CLASP1: variants seen among roughly 807,000 people sequenced by gnomAD.
The protein encoded by CLASP1 is cytoplasmic linker associated protein 1, also known as CLIP-associating protein 1.
CLASP1 carries 38 observed loss-of-function variants against 192.3 expected under a neutral mutation model. The observed-to-expected ratio is 0.20, with a 90% CI of 0.15 to 0.26. The LOEUF is 0.26. CLASP1 is among the 10% of genes least tolerant of loss of function. The pLI is 1.00. For synonymous variants in CLASP1, 691 were observed against 712.8 expected (o/e 0.97, Z 0.49); for missense variants, 1,433 against 1,932.5 (o/e 0.74, Z 4.85).
chr2:121,524,917 G>C (rs952084814), intron 6 of CLASP1, among the ~76,000 whole-genome samples: 1 of 152,094 alleles, frequency 6.6e-6, no homozygotes, highest in African/African-American at 2.4e-5. Flanking sequence ...CTGGAACTAA[G>C]AGCACGATAA....
intron 2 of CLASP1, chr2:121,530,645 A>C: frequency 1.9e-6 from 1 of 531,584 alleles, no homozygotes; most frequent in Non-Finnish European, 3.4e-6. Flanking sequence ...CCCGGCGAGA[A>C]AAGCGTATGC....
rs150795468 is a variant in CLASP1, at chr2:121,593,348, G to A, written c.195+12353C>T. Among the ~76,000 whole-genome samples, 51 of 152,224 alleles carry A rather than the reference G, an allele frequency of 3.4e-4. No individual in the cohort carries two copies. The East Asian group carries it at 3.5e-3, about 10-fold the overall frequency. On this transcript the variant is annotated intron_variant, in intron 2 of 39. Transcript: ENST00000263710. ...TGTAAAGGAAACTATGGCCGGGCAC[G>A]GTGGCTCACACCTGTAATCCCAGCA...
chr2:121,527,803 T>C, exon 5 of CLASP1: 1 of 1,611,672 alleles, frequency 6.2e-7, no homozygotes, highest in Admixed American at 1.7e-5. Flanking sequence ...ACTTACGCAT[T>C]GAGTGTTGCT....
intron 19 of CLASP1, among the ~76,000 whole-genome samples, chr2:121,439,196 T>C (rs2082828728): frequency 6.6e-6 from 1 of 152,222 alleles, no homozygotes; most frequent in East Asian, 1.9e-4. Context: ...TCATTTTTTA[T>C]TGCGTCTATT....
At chr2:121,541,925 A>G (rs1413022487) in intron 2 of CLASP1, among the ~76,000 whole-genome samples, 2 of 152,204 alleles carry the variant, frequency 1.3e-5, no homozygotes, top group African/African-American at 4.8e-5. Flanking sequence ...TGGCTTACTG[A>G]GTTAAGGGGC....
chr2:121,459,102 T>C (rs949186071), intron 12 of CLASP1, 127 bp from the exon 13 acceptor site: 13 of 611,202 alleles, frequency 2.1e-5, no homozygotes, highest in East Asian at 1.5e-4. Flanking sequence ...AGATTTCCGA[T>C]GTGCATGTTA....
chr2:121,407,391 A>C (rs1274335591), intron 25 of CLASP1, 80 bp downstream of exon 26: 1 of 1,496,236 alleles, frequency 6.7e-7, no homozygotes, highest in African/African-American at 1.4e-5. Context: ...GACTCCATTA[A>C]TTATAGGAAA....
chr2:121,633,750 T>G (rs1259758221), intron 1 of CLASP1, among the ~76,000 whole-genome samples: 1 of 152,082 alleles, frequency 6.6e-6, no homozygotes, highest in Non-Finnish European at 1.5e-5. Context: ...CTCACACCTG[T>G]AATCCCAGCA....
exon 40 of CLASP1, chr2:121,339,701 C>T (rs565482449): frequency 2.0e-5 from 3 of 152,260 alleles, no homozygotes; most frequent in Admixed American, 6.5e-5. Flanking sequence ...ATCTGCTACA[C>T]CTCATAATTA....
chr2:121,460,385 A>T (rs2149871998), intron 11 of CLASP1, among the ~76,000 whole-genome samples: 1 of 152,314 alleles, frequency 6.6e-6, no homozygotes, highest in African/African-American at 2.4e-5. Context: ...TTACATTTGA[A>T]ATATCTTAAA....
chr2:121,497,107 A>G (rs1418491176), intron 8 of CLASP1, among the ~76,000 whole-genome samples: 1 of 152,230 alleles, frequency 6.6e-6, no homozygotes, highest in Non-Finnish European at 1.5e-5. Flanking sequence ...AAAAATGTAT[A>G]TAAGTGTATT....
At chr2:121,384,774 A>G (rs2072808284) in intron 32 of CLASP1, among the ~76,000 whole-genome samples, 1 of 152,116 alleles carries the variant, frequency 6.6e-6, no homozygotes, top group Non-Finnish European at 1.5e-5. Flanking sequence ...CCAGCTACTC[A>G]GGAGGCTGAG....
At chr2:121,402,408 G>A (rs576154154) in intron 26 of CLASP1, among the ~76,000 whole-genome samples, 7 of 152,188 alleles carry the variant, frequency 4.6e-5, no homozygotes, top group Admixed American at 1.3e-4. Flanking sequence ...TCCCTACCTT[G>A]TTAATGAAAC....
At chr2:121,573,464 G>A (rs2060168532) in intron 2 of CLASP1, among the ~76,000 whole-genome samples, 1 of 152,144 alleles carries the variant, frequency 6.6e-6, no homozygotes, top group African/African-American at 2.4e-5. Flanking sequence ...TGGCCCAAAA[G>A]TATCATGGTC....
At chr2:121,402,215 TCAGA>T (rs1336277776) in intron 26 of CLASP1, among the ~76,000 whole-genome samples, 3 of 152,232 alleles carry the variant, frequency 2.0e-5, no homozygotes, top group Non-Finnish European at 2.9e-5. Flanking sequence ...GCTTTTCACG[TCAGA>T]CATTTTGATG....
At chr2:121,409,151 T>TA in intron 24 of CLASP1, 2 of 960,898 alleles carry the variant, frequency 2.1e-6, no homozygotes, top group Non-Finnish European at 1.6e-6. Flanking sequence ...GCAAAACATA[T>TA]CTTAGCAAAC....
chr2:121,397,401 G>A, intron 29 of CLASP1, 118 bp from the exon 31 acceptor site: 3 of 816,146 alleles, frequency 3.7e-6, no homozygotes, highest in Non-Finnish European at 5.7e-6. Flanking sequence ...CCTTTCTCCT[G>A]TATCGATAGT....
At chr2:121,544,519 A>G (rs1323019800) in intron 2 of CLASP1, among the ~76,000 whole-genome samples, 2 of 152,054 alleles carry the variant, frequency 1.3e-5, no homozygotes, top group East Asian at 1.9e-4. Context: ...TGTGCTTAAC[A>G]TACTCTCTAA....
intron 8 of CLASP1, among the ~76,000 whole-genome samples, chr2:121,480,172 A>G (rs1248176775): frequency 3.3e-5 from 5 of 152,244 alleles, no homozygotes; most frequent in African/African-American, 1.2e-4. Context: ...CAGCTTTACT[A>G]GTCCTTCACA....
Sources: allele counts gnomAD v4.1 joint callset (sites outside exome capture counted in the v4.1 genomes callset), GRCh38; gene constraint gnomAD v4.1.1; transcripts MANE v1.5; gene names NCBI Gene and HGNC (gene_info 2026-07-23, HGNC 2026-07-21).